The following DNAJC14 variants were observed in gnomAD, a reference collection of about 807,000 sequenced individuals.
DNAJC14 encodes the protein dnaJ homolog subfamily C member 14.
A neutral mutation model predicts 68.8 loss-of-function variants in DNAJC14; 12 were observed. The ratio of observed to expected loss-of-function variants is 0.17; its 90% CI spans 0.11 to 0.28. The LOEUF is 0.28. Ranked by LOEUF, DNAJC14 falls within the 10% of genes least tolerant of loss-of-function variation. The pLI is 1.00. For missense variants in DNAJC14, 764 were observed against 875.6 expected (o/e 0.87, Z 1.61); for synonymous variants, 350 against 321.5 (o/e 1.09, Z -0.95).
intron 4 of DNAJC14, 78 bp downstream of exon 4, chr12:55,822,992 C>T: frequency 6.3e-7 from 1 of 1,583,700 alleles, no homozygotes; most frequent in Non-Finnish European, 8.6e-7. Context: ...CTCATAATTA[C>T]CAGTACTCAC....
rs1164806475 is a variant in DNAJC14, at chr12:55,826,271, CTTTTTTTT to C, written c.1407+973_1407+980del. 4.1e-4 allele frequency among the ~76,000 whole-genome samples: 35 copies of C among 85,786 alleles called. No homozygotes were observed. The South Asian group carries it at 0.015, about 36-fold the overall frequency. The allele number at this position is 85,786 out of a possible 152,430, so 56.3% of individuals were successfully genotyped here. On this transcript the variant is annotated intron_variant, in intron 2 of 6. Transcript: ENST00000678005. Reference sequence around the variant, plus strand: ...GATCCCATAGTGGAGGGGAAAATATCTTTTTTTTTTTTTTTTTTTTTTTTGAGATGGTG... The same window carrying C: ...GATCCCATAGTGGAGGGGAAAATATCTTTTTTTTTTTTTTTTGAGATGGTG...
chr12:55,828,593 G>C lies in DNAJC14; in HGVS notation c.66C>G (p.Leu22=). 6.2e-7 allele frequency: 1 copy of C among 1,614,118 alleles called. No homozygotes were observed. Among genetic ancestry groups the C allele is most frequent in the South Asian group, 1.1e-5 (1 of 91,086 alleles). ...GGTCCACGGAGGGTCCTAAAGTCCT[G>C]AGGGAGGCACCACCACTGTGGTGGG... ...YGAHHSGGAS[L]RTLGPSVDPE... Residue 22 remains leucine, a synonymous_variant, in exon 2 of 7, where the codon CTC becomes CTG. Coordinates refer to ENST00000678005, the MANE Select transcript of DNAJC14 (RefSeq NM_032364.6).
intron 2 of DNAJC14, among the ~76,000 whole-genome samples, chr12:55,824,747 A>C (rs1448987986): frequency 6.6e-6 from 1 of 152,192 alleles, no homozygotes; most frequent in African/African-American, 2.4e-5. Flanking sequence ...ATTCTCCAAA[A>C]CAGGATGTCT....
rs149729837 is a variant in DNAJC14, at chr12:55,827,981, T to C, written c.678A>G (p.Lys226=). The change falls in exon 2 of 7, where the codon AAA becomes AAG. Residue 226 remains lysine (K), a synonymous_variant. Transcript: ENST00000678005. Reference sequence around the variant, plus strand: ...CTTTGCGCTTATCTGCCTGACTTCGTTTCCGACCCAGCCGATGTCGACCAG... The same window carrying C: ...CTTTGCGCTTATCTGCCTGACTTCGCTTCCGACCCAGCCGATGTCGACCAG... ...RSPGRHRLGR[K]RSQADKRKGL... is the part of the protein sequence containing the mutation. The C allele has an allele frequency of 9.0e-5, 145 of 1,613,256 alleles. 1 individual carries two copies. Among genetic ancestry groups the C allele is most frequent in the African/African-American group, 8.8e-4 (66 of 75,056 alleles).
At chr12:55,828,822 A>T in intron 1 of DNAJC14, 108 bp from the exon 2 acceptor site, 1 of 1,341,010 alleles carries the variant, frequency 7.5e-7, no homozygotes, top group Non-Finnish European at 9.7e-7. Flanking sequence ...TGTTTTCCCA[A>T]GTTCTTTTGG....
At chr12:55,826,756 G>A (rs906191435) in intron 2 of DNAJC14, among the ~76,000 whole-genome samples, 21 of 149,524 alleles carry the variant, frequency 1.4e-4, no homozygotes, top group Non-Finnish European at 2.5e-4. Flanking sequence ...CCAAGATCAC[G>A]CCACTGCACT....
chr12:55,826,568 G>A (rs1454799601), intron 2 of DNAJC14, among the ~76,000 whole-genome samples: 2 of 152,118 alleles, frequency 1.3e-5, no homozygotes, highest in Admixed American at 6.5e-5. Context: ...TTGGGAGACT[G>A]AGGCGAGCGG....
At position 55,829,477 on chromosome 12, in the gene DNAJC14, AGAC is replaced by A. The variant is rs1880910239; in HGVS notation, c.-57+9_-57+11del. On this transcript the variant is annotated intron_variant, in intron 1 of 6. Coordinates refer to ENST00000678005, the MANE Select transcript of DNAJC14 (RefSeq NM_032364.6). Reference sequence around the variant, plus strand: ...CAAAAAAAAACGAAAAAAAAAAAAAAGACGGACGTACCGAAGAACGGCGGTAAC... The same window carrying A: ...CAAAAAAAAACGAAAAAAAAAAAAAAGGACGTACCGAAGAACGGCGGTAAC... The A allele has an allele frequency of 1.0e-6, 1 of 983,484 alleles. No individual in the cohort carries two copies. The highest frequency in any genetic ancestry group is 1.2e-6 in the Non-Finnish European group (1 of 829,632). 60.9% of individuals were successfully genotyped at this position (983,484 alleles called of 1,614,324 possible). A position where few individuals can be genotyped will look rare whatever the true frequency, so the allele number is the denominator to read the frequency against.
chr12:55,829,159 G>A (rs1880892579), intron 1 of DNAJC14: 2 of 986,038 alleles, frequency 2.0e-6, no homozygotes, highest in Admixed American at 6.1e-5. Context: ...TAGAAGGGAC[G>A]AAGGTGGCCG....
rs766267450 is a variant in DNAJC14 at position 55,827,524 on chromosome 12, T to C, written c.1135A>G (p.Thr379Ala). The C allele has an allele frequency of 6.2e-7, 1 of 1,604,956 alleles. No homozygotes were observed. The highest frequency in any genetic ancestry group is 1.7e-5 in the Admixed American group (1 of 59,786). ...LDSPALQRCL[T>A]LLRDSRPWQR... The stretch of plus-strand genomic sequence containing the variant: ...CATGGCCTGCTATCTCTCAGCAGAG[T>C]CAAGCAACGCTGCAAGGCTGGAGAA... The change falls in exon 2 of 7, where the codon ACT becomes GCT. Residue 379 changes from threonine to alanine, a missense_variant. This residue lies in a region of DNAJC14 where 514 missense variants were observed against 521.7 expected (regional missense o/e 0.99). Transcript: ENST00000678005.
chr12:55,823,004 A>G (rs1880709474), intron 4 of DNAJC14, 66 bp downstream of exon 4: 1 of 1,599,198 alleles, frequency 6.3e-7, no homozygotes, highest in South Asian at 1.1e-5. Flanking sequence ...AGTACTCACT[A>G]GAAAGATCCT....
chr12:55,825,363 G>A (rs150236876), intron 2 of DNAJC14, among the ~76,000 whole-genome samples: 2 of 152,032 alleles, frequency 1.3e-5, no homozygotes, highest in African/African-American at 4.8e-5. Flanking sequence ...GTGTAAGTAG[G>A]CCTCCAATTT....
rs773462463 is a variant in DNAJC14, at chr12:55,821,265, G to A, written c.*712C>T. 2.0e-5 allele frequency: 3 copies of A among 152,144 alleles called. No individual in the cohort carries two copies. Among genetic ancestry groups the A allele is most frequent in the Non-Finnish European group, 2.9e-5 (2 of 68,000 alleles). 9.4% of individuals were successfully genotyped at this position (152,144 alleles called of 1,614,324 possible). ...TCAGTTTCCAGTCTCTGAACTCTAT[G>A]CGATAATCTCCTATCATTAGGGCTA... is the stretch of plus-strand genomic sequence containing the variant. On this transcript the variant is annotated 3_prime_UTR_variant, in exon 7 of 7. Transcript: ENST00000678005.
Position 55,821,999 on chromosome 12 carries a change from A to G in DNAJC14, c.2087T>C (p.Val696Ala). The change falls in exon 7 of 7, where the codon GTG (valine) becomes GCG (alanine). Residue 696 changes from valine (V) to alanine (A), a missense_variant. Val to Ala is a moderately conservative substitution (Grantham distance 64). Coordinates refer to ENST00000678005, the MANE Select transcript of DNAJC14 (RefSeq NM_032364.6). The stretch of plus-strand genomic sequence containing the variant: ...GCATCAACGTTGGAAGGGCCTCCTC[A>G]CTTTCTTCCGCCGCTTAGGTTTGGC... Reference protein sequence around the residue: ...GEAKPKRRKKVRRPFQR With the variant: ...GEAKPKRRKKARRPFQR 3.7e-6 allele frequency: 6 copies of G among 1,612,892 alleles called. No individual in the cohort carries two copies. The highest frequency in any genetic ancestry group is 4.2e-6 in the Non-Finnish European group (5 of 1,179,532).
chr12:55,828,638 T>C lies in DNAJC14; in HGVS notation c.21A>G (p.Gly7=). The C allele has an allele frequency of 6.2e-7, 1 of 1,613,266 alleles. No individual in the cohort carries two copies. Among genetic ancestry groups the C allele is most frequent in the Non-Finnish European group, 8.5e-7 (1 of 1,179,396 alleles). The part of the protein sequence containing the change: MAQKHP[G]ERGLYGAHHS... Reference sequence around the variant, plus strand: ...GGTGGGCTCCATACAACCCTCTTTCTCCGGGGTGCTTCTGGGCCATGACCC... The same window carrying C: ...GGTGGGCTCCATACAACCCTCTTTCCCCGGGGTGCTTCTGGGCCATGACCC... The change falls in exon 2 of 7, where the codon GGA becomes GGG. Residue 7 remains glycine (G), a synonymous_variant. Transcript: ENST00000678005.
chr12:55,828,246 G>C lies in DNAJC14; in HGVS notation c.413C>G (p.Pro138Arg), dbSNP rs745503330. 13 of 1,606,702 alleles carry C rather than the reference G, an allele frequency of 8.1e-6. No individual in the cohort carries two copies. In the Admixed American group the frequency reaches 2.2e-4, roughly 27 times the overall value. The change falls in exon 2 of 7, where the codon CCA becomes CGA. Residue 138 changes from proline to arginine, a missense_variant. This residue lies in a region of DNAJC14 where 514 missense variants were observed against 521.7 expected (regional missense o/e 0.99). Coordinates refer to ENST00000678005, the MANE Select transcript of DNAJC14 (RefSeq NM_032364.6). ...ACNCQGTPGI[P>R]EGPYSEGGNG... ...TCCTCCCTCAGAGTAAGGCCCTTCT[G>C]GAATTCCAGGTGTTCCCTGGCAGTT...
chr12:55,828,324 T>C lies in DNAJC14; in HGVS notation c.335A>G (p.Glu112Gly). 6.2e-7 allele frequency: 1 copy of C among 1,613,416 alleles called. No individual in the cohort carries two copies. Among genetic ancestry groups the C allele is most frequent in the Non-Finnish European group, 8.5e-7 (1 of 1,179,830 alleles). The stretch of plus-strand genomic sequence containing the variant: ...GTTCCCATCCTTCTGGTTCCCAGTC[T>C]CGTTTTCTTTTGAGAGTTCCTGGTC... Reference protein sequence around the residue: ...GVDQELSKENETGNQKDGNSF... With the variant: ...GVDQELSKENGTGNQKDGNSF... Residue 112 changes from glutamate to glycine, a missense_variant, in exon 2 of 7, where the codon GAG becomes GGG. By Grantham distance (98) the Glu-to-Gly change is moderately conservative. Around this residue, in one of 4 missense-constraint regions of DNAJC14, gnomAD observed 514 missense variants for 521.7 expected, o/e 0.99. Transcript: ENST00000678005.
intron 1 of DNAJC14, 184 bp downstream of exon 1, chr12:55,829,305 C>T (rs1880902049): frequency 1.2e-6 from 1 of 859,758 alleles, no homozygotes; most frequent in Non-Finnish European, 1.4e-6. Context: ...ATTCGCCAGG[C>T]GTGGTGGCGC....
intron 2 of DNAJC14, among the ~76,000 whole-genome samples, chr12:55,825,394 T>G (rs566566345): frequency 6.4e-4 from 97 of 152,260 alleles, no homozygotes; most frequent in African/African-American, 2.3e-3. Flanking sequence ...CTTATATTCA[T>G]AATAGTTTTA....
Sources: allele counts gnomAD v4.1 joint callset (sites outside exome capture counted in the v4.1 genomes callset), GRCh38; gene constraint gnomAD v4.1.1; regional missense constraint gnomAD v4.1.1; transcripts MANE v1.5; gene names NCBI Gene and HGNC (gene_info 2026-07-23, HGNC 2026-07-21).